CRB1: variants seen among roughly 807,000 people sequenced by gnomAD.
The protein encoded by CRB1 is crumbs cell polarity complex component 1.
CRB1 carries 83 observed loss-of-function variants against 120.0 expected under a neutral mutation model. The observed-to-expected ratio is 0.69, with a 90% CI of 0.58 to 0.83. CRB1 has a LOEUF of 0.83. Ranked by LOEUF, CRB1 falls within the 40% of genes least tolerant of loss-of-function variation. CRB1 has a pLI of 0.00. For synonymous variants in CRB1, 625 were observed against 612.5 expected, an observed-to-expected ratio of 1.02 and a Z score of -0.30; for missense variants, 1,699 against 1,687.6, an observed-to-expected ratio of 1.01 and a Z score of -0.12.
At chr1:197,429,026 A>C (rs1487350631) in intron 7 of CRB1, 1 of 1,505,614 alleles carries the variant, frequency 6.6e-7, no homozygotes, top group African/African-American at 1.4e-5. Flanking sequence ...AGAGGACCTA[A>C]GTACCAAGTT....
At chr1:197,388,723 CT>C (rs1375820613) in intron 5 of CRB1, among the ~76,000 whole-genome samples, 1 of 152,050 alleles carries the variant, frequency 6.6e-6, no homozygotes, top group Non-Finnish European at 1.5e-5. Flanking sequence ...AAATTCACCC[CT>C]GAAATGCTTC....
At chr1:197,346,667 C>T (rs758397967) in intron 3 of CRB1, among the ~76,000 whole-genome samples, 4 of 152,154 alleles carry the variant, frequency 2.6e-5, no homozygotes, top group East Asian at 1.9e-4. Context: ...AGACCCCGAC[C>T]TAAATTAAAA....
In CRB1 at chr1:197,308,898, GTATATATGTGGGTA is replaced by G. The variant is rs565607545; in HGVS notation, c.71-19503_71-19490del. ...TAGGATTTACAGTATCTACATATAT[GTATATATGTGGGTA>G]TATATATGTGGGTATATATACATAT... is the stretch of plus-strand genomic sequence containing the variant. On this transcript the variant is annotated intron_variant, in intron 1 of 11. Coordinates refer to ENST00000367400, the MANE Select transcript of CRB1 (RefSeq NM_201253.3). 3.7e-3 allele frequency among the ~76,000 whole-genome samples: 555 copies of G among 150,982 alleles called. 2 individuals carry two copies. Among genetic ancestry groups the G allele is most frequent in the Admixed American group, 0.017 (257 of 15,102 alleles).
rs1195905915 is a variant in CRB1 at position 197,453,524 on chromosome 1, GTATA to G, written c.4005+11245_4005+11248del. ...TATGTGTATATATATGTGTGTGTGT[GTATA>G]TATATATATATAGAGAGAGAGACAG... On this transcript the variant is annotated intron_variant, in intron 11 of 11. Transcript: ENST00000367400. 4.0e-5 allele frequency among the ~76,000 whole-genome samples: 5 copies of G among 123,782 alleles called. 1 individual carries two copies. Among genetic ancestry groups the G allele is most frequent in the South Asian group, 5.3e-4 (2 of 3,754 alleles). The allele number at this position is 123,782 out of a possible 152,430, so 81.2% of individuals were successfully genotyped here. A position where few individuals can be genotyped will look rare whatever the true frequency, so the allele number is the denominator to read the frequency against.
At chr1:197,240,993 G>A in the CRB1 span, among the ~76,000 whole-genome samples, 1 of 152,180 alleles carries the variant, frequency 6.6e-6, no homozygotes, top group Non-Finnish European at 1.5e-5. Flanking sequence ...CCTCATAAAT[G>A]TGTTCTTTTG....
intron 1 of CRB1, among the ~76,000 whole-genome samples, chr1:197,314,861 C>T (rs1657752142): frequency 6.6e-6 from 1 of 152,174 alleles, no homozygotes; most frequent in Non-Finnish European, 1.5e-5. Context: ...AATCTCTCAG[C>T]AGATGATATC....
chr1:197,240,293 C>A, the CRB1 span, among the ~76,000 whole-genome samples: 1 of 151,982 alleles, frequency 6.6e-6, no homozygotes, highest in African/African-American at 2.4e-5. Context: ...TAAGTATACA[C>A]GTGCCATGGT....
the CRB1 span, among the ~76,000 whole-genome samples, chr1:197,230,678 G>T: frequency 5.9e-3 from 891 of 152,188 alleles, 11 homozygotes; most frequent in African/African-American, 0.021. Flanking sequence ...TAATAGGTAG[G>T]ACTAGAAAGA....
chr1:197,260,986 C>T, the CRB1 span, among the ~76,000 whole-genome samples: 22 of 152,176 alleles, frequency 1.4e-4, no homozygotes, highest in South Asian at 4.2e-4. Context: ...TGAGCCACCG[C>T]GCCCGGCCTC....
the CRB1 span, chr1:197,222,826 A>T: frequency 6.6e-7 from 1 of 1,511,250 alleles, no homozygotes. Context: ...CTAGCCAAGG[A>T]TCATTCTCCT....
chr1:197,260,267 A>AT, the CRB1 span, among the ~76,000 whole-genome samples: 31 of 151,674 alleles, frequency 2.0e-4, no homozygotes, highest in Non-Finnish European at 3.4e-4. Context: ...ATTAAACAAA[A>AT]TTTTTTTTTA....
At chr1:197,231,376 A>G in the CRB1 span, among the ~76,000 whole-genome samples, 3 of 152,012 alleles carry the variant, frequency 2.0e-5, no homozygotes, top group Non-Finnish European at 4.4e-5. Context: ...CCACTGCCAG[A>G]CTCCTCTTAT....
chr1:197,258,088 A>G, the CRB1 span, among the ~76,000 whole-genome samples: 1 of 152,232 alleles, frequency 6.6e-6, no homozygotes, highest in South Asian at 2.1e-4. Flanking sequence ...GAAAGAATAA[A>G]TAAGAACTAG....
intron 11 of CRB1, among the ~76,000 whole-genome samples, chr1:197,476,130 G>A (rs1022456356): frequency 2.0e-5 from 3 of 151,648 alleles, no homozygotes; most frequent in South Asian, 2.1e-4. Flanking sequence ...GGCTGGTCTC[G>A]AACTCCTGAC....
At chr1:197,364,484 TTTATTTTTCCCCAC>T (rs1231859289) in intron 5 of CRB1, among the ~76,000 whole-genome samples, 1 of 152,234 alleles carries the variant, frequency 6.6e-6, no homozygotes, top group African/African-American at 2.4e-5. Flanking sequence ...CAGATCCTTT[TTTATTTTTCCCCAC>T]TTCTGGGACT....
chr1:197,344,396 G>T lies in CRB1; in HGVS notation c.768G>T (p.Gly256=), dbSNP rs776142561. 12 of 1,614,062 alleles carry T rather than the reference G, an allele frequency of 7.4e-6. No individual in the cohort carries two copies. The South Asian group carries it at 1.3e-4, about 18-fold the overall frequency. ...GCGACTGTGCCCCTGGATTCCTGGG[G>T]GATCACTGTGAACTCAACACTGATG... ...YFCDCAPGFL[G]DHCELNTDEC... Residue 256 remains glycine (G), a synonymous_variant, in exon 3 of 12, where the codon GGG becomes GGT. Coordinates refer to ENST00000367400, the MANE Select transcript of CRB1 (RefSeq NM_201253.3).
chr1:197,268,815 C>A (rs1472806147), intron 1 of CRB1, among the ~76,000 whole-genome samples: 1 of 152,126 alleles, frequency 6.6e-6, no homozygotes, highest in African/African-American at 2.4e-5. Context: ...TTGGCCCTTA[C>A]TAATTGATAT....
intron 7 of CRB1, chr1:197,428,994 G>A (rs1314458552): frequency 6.5e-7 from 1 of 1,529,548 alleles, no homozygotes; most frequent in Non-Finnish European, 8.8e-7. Context: ...ATGTGGGAAG[G>A]GCACTCACTG....
At chr1:197,399,653 A>G (rs1662962818) in intron 5 of CRB1, among the ~76,000 whole-genome samples, 1 of 152,190 alleles carries the variant, frequency 6.6e-6, no homozygotes, top group Non-Finnish European at 1.5e-5. Flanking sequence ...TTCAGTGGAT[A>G]ATGGCTTAGC....
Sources: allele counts gnomAD v4.1 joint callset (sites outside exome capture counted in the v4.1 genomes callset), GRCh38; gene constraint gnomAD v4.1.1; transcripts MANE v1.5; gene names NCBI Gene and HGNC (gene_info 2026-07-23, HGNC 2026-07-21).